RGS6: variants seen among roughly 807,000 people sequenced by gnomAD.
The protein encoded by RGS6 is regulator of G-protein signaling 6.
A neutral mutation model predicts 78.5 loss-of-function variants in RGS6; 30 were observed. The ratio of observed to expected loss-of-function variants is 0.38; its 90% CI spans 0.29 to 0.52. The LOEUF is 0.52. Ranked by LOEUF, RGS6 falls within the 20% of genes least tolerant of loss-of-function variation. The pLI, the probability that RGS6 is intolerant of heterozygous loss-of-function variation, is 0.85. For missense variants in RGS6, 495 were observed against 609.7 expected, an observed-to-expected ratio of 0.81 and a Z score of 1.98; for synonymous variants, 206 against 206.0, an observed-to-expected ratio of 1.00 and a Z score of 0.00.
At chr14:72,140,747 G>A (rs2096528218) in intron 2 of RGS6, among the ~76,000 whole-genome samples, 1 of 152,186 alleles carries the variant, frequency 6.6e-6, no homozygotes, top group Admixed American at 6.5e-5. Context: ...AATGGCTATT[G>A]GTGCTGGTTG....
At chr14:72,409,705 C>G (rs1164138850) in intron 3 of RGS6, among the ~76,000 whole-genome samples, 1 of 151,892 alleles carries the variant, frequency 6.6e-6, no homozygotes, top group Admixed American at 6.6e-5. Context: ...CAGTGCTATC[C>G]CTCCCCTCTC....
chr14:72,614,809 C>T, the RGS6 span, among the ~76,000 whole-genome samples: 2 of 123,118 alleles, frequency 1.6e-5, no homozygotes, highest in African/African-American at 6.4e-5. Flanking sequence ...TCACTGTTCA[C>T]TCCCACCTGC....
intron 2 of RGS6, among the ~76,000 whole-genome samples, chr14:72,129,005 A>T (rs530900924): frequency 1.8e-4 from 28 of 152,262 alleles, no homozygotes; most frequent in South Asian, 1.7e-3. Context: ...GTTTTCTTTT[A>T]AAAAAGGTGT....
At chr14:72,319,356 T>G (rs2152503354) in intron 2 of RGS6, among the ~76,000 whole-genome samples, 1 of 151,574 alleles carries the variant, frequency 6.6e-6, no homozygotes, top group South Asian at 2.1e-4. Context: ...GGAAATTTTT[T>G]TTTTTTTTTT....
At chr14:72,475,772 C>T (rs1228193320) in intron 10 of RGS6, among the ~76,000 whole-genome samples, 1 of 151,500 alleles carries the variant, frequency 6.6e-6, no homozygotes, top group Non-Finnish European at 1.5e-5. Context: ...CCAAACATTC[C>T]TATTTCTTGT....
intron 2 of RGS6, among the ~76,000 whole-genome samples, chr14:72,341,221 T>C (rs1428925303): frequency 2.0e-5 from 3 of 152,128 alleles, no homozygotes; most frequent in Non-Finnish European, 4.4e-5. Flanking sequence ...GAGGACGAAG[T>C]CATGTCTTAC....
At chr14:72,383,174 GTACATATATATATATATATATA>G (rs1199718855) in intron 3 of RGS6, among the ~76,000 whole-genome samples, 8 of 24,568 alleles carry the variant, frequency 3.3e-4, no homozygotes, top group African/African-American at 9.0e-4. Context: ...TGAAAAAATT[GTACATATATATATATATATATA>G]TATATATATA....
chr14:72,220,930 G>A (rs2046719656), intron 2 of RGS6, among the ~76,000 whole-genome samples: 1 of 152,092 alleles, frequency 6.6e-6, no homozygotes, highest in South Asian at 2.1e-4. Flanking sequence ...CATTTGGGAG[G>A]ATTCAGATGA....
intron 2 of RGS6, among the ~76,000 whole-genome samples, chr14:72,277,325 C>T (rs111485611): frequency 0.05 from 7,552 of 152,206 alleles, 547 homozygotes; most frequent in African/African-American, 0.17. Context: ...TAGCCGGGTG[C>T]GGTGGCTCAC....
At chr14:72,362,981 G>T (rs1217280306) in intron 3 of RGS6, among the ~76,000 whole-genome samples, 4 of 152,178 alleles carry the variant, frequency 2.6e-5, no homozygotes, top group Admixed American at 2.0e-4. Flanking sequence ...AACATGCCAG[G>T]TTTCAGTAAG....
At chr14:72,527,543 G>C (rs2097133645) in intron 15 of RGS6, among the ~76,000 whole-genome samples, 1 of 152,180 alleles carries the variant, frequency 6.6e-6, no homozygotes, top group Non-Finnish European at 1.5e-5. Context: ...AACTGAAATA[G>C]TACAGCTAGA....
chr14:72,566,470 C>T lies in RGS6; in HGVS notation c.*4003C>T, dbSNP rs573517175. On this transcript the variant is annotated 3_prime_UTR_variant, in exon 18 of 18. Transcript: ENST00000553525. The stretch of plus-strand genomic sequence containing the variant: ...ATTTTTCTGGAATTTGGGGATTGGA[C>T]CCCAGAACCAAACATGCTGGTACAG... The T allele has an allele frequency of 6.6e-6, 1 of 152,266 alleles. No homozygotes were observed. The highest frequency in any genetic ancestry group is 2.1e-4 in the South Asian group (1 of 4,820). The allele number at this position is 152,266 out of a possible 1,614,324, so 9.4% of individuals were successfully genotyped here.
At chr14:72,173,358 C>G (rs17108484) in intron 2 of RGS6, among the ~76,000 whole-genome samples, 3 of 152,104 alleles carry the variant, frequency 2.0e-5, no homozygotes, top group Non-Finnish European at 4.4e-5. Flanking sequence ...TAGACTTTCC[C>G]GAGTGGGCAT....
chr14:72,078,697 C>T (rs34188810), intron 2 of RGS6, among the ~76,000 whole-genome samples: 6,375 of 152,210 alleles, frequency 0.042, 184 homozygotes, highest in Non-Finnish European at 0.062. Flanking sequence ...GGATTACAGG[C>T]GTGAGCCACT....
intron 15 of RGS6, among the ~76,000 whole-genome samples, chr14:72,524,831 G>A (rs926978557): frequency 2.0e-5 from 3 of 152,154 alleles, no homozygotes; most frequent in African/African-American, 7.2e-5. Context: ...GATTGGATTG[G>A]AAATCTGTCC....
At chr14:72,285,088 T>C (rs1297501072) in intron 2 of RGS6, among the ~76,000 whole-genome samples, 3 of 152,208 alleles carry the variant, frequency 2.0e-5, no homozygotes, top group African/African-American at 4.8e-5. Flanking sequence ...TACAGGCTCA[T>C]AGGCAGAAGG....
At chr14:72,186,491 CTT>C (rs1567413085) in intron 2 of RGS6, among the ~76,000 whole-genome samples, 1 of 152,190 alleles carries the variant, frequency 6.6e-6, no homozygotes, top group Non-Finnish European at 1.5e-5. Context: ...TAAGCATCTA[CTT>C]CCTTTATTTC....
chr14:72,016,772 AT>A (rs1364428263), intron 2 of RGS6, among the ~76,000 whole-genome samples: 2 of 151,820 alleles, frequency 1.3e-5, no homozygotes, highest in Admixed American at 6.6e-5. Context: ...CTTTTTTGGA[AT>A]TTTTTTTGGC....
At chr14:72,450,568 A>G (rs2095469003) in intron 3 of RGS6, among the ~76,000 whole-genome samples, 1 of 152,182 alleles carries the variant, frequency 6.6e-6, no homozygotes, top group Non-Finnish European at 1.5e-5. Flanking sequence ...TGTGGGAACA[A>G]AGGGTGGCCA....
Sources: allele counts gnomAD v4.1 joint callset (sites outside exome capture counted in the v4.1 genomes callset), GRCh38; gene constraint gnomAD v4.1.1; transcripts MANE v1.5; gene names NCBI Gene and HGNC (gene_info 2026-07-23, HGNC 2026-07-21).